SIPA1L3: variants seen among roughly 807,000 people sequenced by gnomAD.
The protein encoded by SIPA1L3 is signal induced proliferation associated 1 like 3.
SIPA1L3 carries 59 observed loss-of-function variants against 150.1 expected under a neutral mutation model. The observed-to-expected ratio is 0.39, with a 90% CI of 0.32 to 0.49. SIPA1L3 has a LOEUF of 0.49. SIPA1L3 is among the 20% of genes least tolerant of loss of function. SIPA1L3 has a pLI of 0.86. For synonymous variants in SIPA1L3, 1,070 were observed against 1,077.6 expected (o/e 0.99, Z 0.14); for missense variants, 2,211 against 2,489.5 (o/e 0.89, Z 2.38).
chr19:37,923,623 T>G (rs530279470), intron 1 of SIPA1L3, among the ~76,000 whole-genome samples: 11 of 152,330 alleles, frequency 7.2e-5, no homozygotes, highest in African/African-American at 2.6e-4. Flanking sequence ...TGTACACCAC[T>G]GTAGACTTAA....
chr19:38,138,672 C>T (rs369501716), intron 10 of SIPA1L3, among the ~76,000 whole-genome samples: 8 of 37,624 alleles, frequency 2.1e-4, no homozygotes, highest in Middle Eastern at 8.9e-3. Context: ...CCAAGGTGGG[C>T]GGATCACCTG....
intron 1 of SIPA1L3, chr19:37,932,367 C>T (rs193019458): frequency 1.2e-4 from 18 of 152,398 alleles, no homozygotes; most frequent in African/African-American, 4.1e-4. Flanking sequence ...TTTCCCTCCC[C>T]CAAAGGGAAT....
chr19:38,049,592 G>A (rs997527065), intron 2 of SIPA1L3, among the ~76,000 whole-genome samples: 2 of 152,116 alleles, frequency 1.3e-5, no homozygotes, highest in Non-Finnish European at 2.9e-5. Context: ...AACCCATGGG[G>A]CTTACCCCCA....
rs117507835 is a variant in SIPA1L3 at position 37,930,003 on chromosome 19, T to G, written c.-379+22645T>G. Among the ~76,000 whole-genome samples the G allele has an allele frequency of 7.0e-3, 1,051 of 149,404 alleles. 33 individuals carry two copies. Among genetic ancestry groups the G allele is most frequent in the East Asian group, 0.069 (349 of 5,062 alleles). ...CCTCCCATGTGGCTGGGACCACAGG[T>G]GCATGCCACCGTGCCTGGCAAATTT... On this transcript the variant is annotated intron_variant, in intron 1 of 21. Transcript: ENST00000222345.
intron 9 of SIPA1L3, among the ~76,000 whole-genome samples, chr19:38,128,889 C>G (rs555115439): frequency 6.7e-6 from 1 of 150,346 alleles, no homozygotes; most frequent in Non-Finnish European, 1.5e-5. Context: ...AGCGAGACTC[C>G]GTCTTAAAAA....
intron 9 of SIPA1L3, among the ~76,000 whole-genome samples, chr19:38,128,719 A>C (rs1216545711): frequency 6.6e-6 from 1 of 152,056 alleles, no homozygotes; most frequent in African/African-American, 2.4e-5. Context: ...CAACATGGTA[A>C]AACCCCATCT....
chr19:38,103,948 A>G (rs938991445), intron 6 of SIPA1L3, among the ~76,000 whole-genome samples: 1 of 151,294 alleles, frequency 6.6e-6, no homozygotes, highest in Non-Finnish European at 1.5e-5. Flanking sequence ...ATATATGTAT[A>G]TGATATATAG....
intron 18 of SIPA1L3, among the ~76,000 whole-genome samples, chr19:38,195,072 G>C (rs913510386): frequency 6.6e-6 from 1 of 151,740 alleles, no homozygotes; most frequent in African/African-American, 2.4e-5. Flanking sequence ...AACTTCCCCT[G>C]CAGCTCCGTT....
chr19:38,037,276 GTC>G (rs5827998), intron 2 of SIPA1L3, among the ~76,000 whole-genome samples: 27,317 of 152,152 alleles, frequency 0.18, 2,544 homozygotes, highest in African/African-American at 0.2. Flanking sequence ...GTCAGGGAAC[GTC>G]TGTCATAAGG....
intron 13 of SIPA1L3, among the ~76,000 whole-genome samples, chr19:38,161,820 G>T (rs1456404210): frequency 6.6e-6 from 1 of 151,766 alleles, no homozygotes; most frequent in Non-Finnish European, 1.5e-5. Context: ...AGCTGAGGCA[G>T]GAGGATCACT....
intron 1 of SIPA1L3, among the ~76,000 whole-genome samples, chr19:38,004,690 C>T (rs1227471604): frequency 1.3e-5 from 2 of 152,122 alleles, no homozygotes; most frequent in Non-Finnish European, 2.9e-5. Flanking sequence ...TGTGATCTTC[C>T]CCGAACCAAT....
At chr19:38,197,123 A>AC (rs1442398345) in intron 18 of SIPA1L3, among the ~76,000 whole-genome samples, 4 of 151,296 alleles carry the variant, frequency 2.6e-5, no homozygotes, top group South Asian at 2.1e-4. Flanking sequence ...AGATCATGTC[A>AC]CCCCCCGCCT....
intron 2 of SIPA1L3, among the ~76,000 whole-genome samples, chr19:38,071,713 G>T (rs912153886): frequency 2.0e-5 from 3 of 152,340 alleles, no homozygotes; most frequent in African/African-American, 4.8e-5. Context: ...GGGCTGCTTT[G>T]TCTGCTGGGA....
intron 2 of SIPA1L3, among the ~76,000 whole-genome samples, chr19:38,069,946 G>C (rs1437879502): frequency 6.6e-6 from 1 of 151,852 alleles, no homozygotes; most frequent in Non-Finnish European, 1.5e-5. Flanking sequence ...AAAGTGCTGG[G>C]ATTACAGGCA....
intron 1 of SIPA1L3, among the ~76,000 whole-genome samples, chr19:37,950,686 G>C (rs1319181930): frequency 6.6e-6 from 1 of 152,188 alleles, no homozygotes; most frequent in African/African-American, 2.4e-5. Flanking sequence ...CGAGACTGGC[G>C]CTTGCTCCCC....
intron 2 of SIPA1L3, among the ~76,000 whole-genome samples, chr19:38,033,950 C>T (rs1050197950): frequency 3.9e-5 from 6 of 152,124 alleles, no homozygotes; most frequent in South Asian, 2.1e-4. Flanking sequence ...CAGAAACCCC[C>T]GCTCACTGCA....
At chr19:38,126,463 G>A (rs73632925) in intron 9 of SIPA1L3, among the ~76,000 whole-genome samples, 4,414 of 152,108 alleles carry the variant, frequency 0.029, 210 homozygotes, top group African/African-American at 0.1. Context: ...TTATGACATT[G>A]TGAGTTTTTT....
chr19:38,191,942 C>T (rs1972813545), intron 16 of SIPA1L3, among the ~76,000 whole-genome samples: 2 of 152,216 alleles, frequency 1.3e-5, no homozygotes, highest in South Asian at 2.1e-4. Flanking sequence ...CAGGACAGCA[C>T]AGCCAGCTCT....
intron 2 of SIPA1L3, among the ~76,000 whole-genome samples, chr19:38,069,656 A>G (rs1271434812): frequency 1.3e-5 from 2 of 151,638 alleles, no homozygotes; most frequent in Non-Finnish European, 2.9e-5. Context: ...AGATACCTAT[A>G]TATTTTTTTT....
Sources: gnomAD v4.1 joint callset for allele counts (sites outside exome capture counted in the v4.1 genomes callset) on GRCh38, gnomAD v4.1.1 for gene constraint, MANE v1.5 for transcripts, NCBI Gene and HGNC (gene_info 2026-07-23, HGNC 2026-07-21) for gene names.